Variants in SLC1A4 observed in about 807,000 individuals in gnomAD.
SLC1A4 encodes neutral amino acid transporter A.
SLC1A4 carries 19 observed loss-of-function variants against 37.7 expected under a neutral mutation model. The observed-to-expected ratio is 0.50, with a 90% CI of 0.35 to 0.74. The LOEUF (loss-of-function observed/expected upper bound fraction) is 0.74. Ranked by LOEUF, SLC1A4 falls within the 30% of genes least tolerant of loss-of-function variation. SLC1A4 has a pLI of 0.01. For synonymous variants in SLC1A4, 299 were observed against 309.8 expected, an observed-to-expected ratio of 0.97 and a Z score of 0.37; for missense variants, 570 against 712.9, an observed-to-expected ratio of 0.80 and a Z score of 2.28.
Position 64,989,781 on chromosome 2 carries a change from G to A in SLC1A4, c.138G>A (p.Leu46=). Residue 46 remains leucine, a synonymous_variant, in exon 1 of 8, where the codon CTG becomes CTA. Transcript: ENST00000234256. ...AGFLRRQALV[L]LTVSGVLAGA... ...TCCTGCGGCGCCAAGCGCTGGTGCT[G>A]CTCACCGTGTCCGGGGTGCTGGCGG... The A allele has an allele frequency of 1.3e-6, 2 of 1,501,718 alleles. No homozygotes were observed. Among genetic ancestry groups the A allele is most frequent in the South Asian group, 2.6e-5 (2 of 77,190 alleles). The allele number at this position is 1,501,718 out of a possible 1,614,324, so 93.0% of individuals were successfully genotyped here. A position where few individuals can be genotyped will look rare whatever the true frequency, so the allele number is the denominator to read the frequency against.
At chr2:65,010,499 T>C (rs1457139853) in intron 3 of SLC1A4, 98 bp from the exon 4 acceptor site, 1 of 978,056 alleles carries the variant, frequency 1.0e-6, no homozygotes, top group Non-Finnish European at 1.5e-6. Context: ...TTTCTCGTTC[T>C]GGGTACAGTG....
chr2:65,010,423 A>G (rs1673870369), intron 3 of SLC1A4, among the ~76,000 whole-genome samples, 174 bp from the exon 4 acceptor site: 1 of 152,174 alleles, frequency 6.6e-6, no homozygotes, highest in Admixed American at 6.5e-5. Context: ...CTCAGACTAC[A>G]TCTCCCCTTA....
At chr2:65,002,775 A>G (rs867378900) in intron 2 of SLC1A4, among the ~76,000 whole-genome samples, 47 of 151,540 alleles carry the variant, frequency 3.1e-4, no homozygotes, top group Middle Eastern at 3.4e-3. Flanking sequence ...ATGGGGTTTC[A>G]CCGTGTTAGC....
At chr2:64,997,869 A>C (rs1673318424) in intron 1 of SLC1A4, among the ~76,000 whole-genome samples, 2 of 152,180 alleles carry the variant, frequency 1.3e-5, no homozygotes, top group South Asian at 2.1e-4. Flanking sequence ...TGGGAGGCCA[A>C]GGTGGGCAGA....
At chr2:64,999,157 C>G (rs1183119512) in intron 1 of SLC1A4, among the ~76,000 whole-genome samples, 1 of 152,134 alleles carries the variant, frequency 6.6e-6, no homozygotes, top group Non-Finnish European at 1.5e-5. Flanking sequence ...CGAAAACTAG[C>G]CAATATAAGT....
chr2:65,005,755 A>G (rs1369229199), intron 3 of SLC1A4, among the ~76,000 whole-genome samples: 1 of 152,236 alleles, frequency 6.6e-6, no homozygotes, highest in African/African-American at 2.4e-5. Context: ...GCACTTTGGG[A>G]GGCCAAGAAG....
intron 7 of SLC1A4, among the ~76,000 whole-genome samples, chr2:65,020,686 T>C (rs1387381956): frequency 6.6e-6 from 1 of 152,110 alleles, no homozygotes; most frequent in Non-Finnish European, 1.5e-5. Context: ...TAGGGGTGAG[T>C]GGCTTGTTTG....
chr2:64,999,191 AAAAGT>A (rs1339970620), intron 1 of SLC1A4, among the ~76,000 whole-genome samples: 1 of 152,254 alleles, frequency 6.6e-6, no homozygotes, highest in African/African-American at 2.4e-5. Flanking sequence ...CTACTTTTTA[AAAAGT>A]AAATATAGCT....
At position 65,018,718 on chromosome 2, in the gene SLC1A4, A is replaced by C; in HGVS notation, c.1364+39A>C. 1 of 1,611,320 alleles carries C rather than the reference A, an allele frequency of 6.2e-7. No homozygotes were observed. Reference sequence around the variant, plus strand: ...CCTGAGAACACCAAAAAGAGTCTGCACTGAGTTCCCTAGGAGCTTAGCACT... The same window carrying C: ...CCTGAGAACACCAAAAAGAGTCTGCCCTGAGTTCCCTAGGAGCTTAGCACT... On this transcript the variant is annotated intron_variant, in intron 7 of 7. Coordinates refer to ENST00000234256, the MANE Select transcript of SLC1A4 (RefSeq NM_003038.5). The surrounding 1 kb of genome is among the most constrained non-coding windows in gnomAD (Gnocchi z 4.3).
chr2:65,003,846 G>A, intron 2 of SLC1A4, 107 bp from the exon 3 acceptor site: 2 of 799,256 alleles, frequency 2.5e-6, no homozygotes, highest in South Asian at 3.0e-5. Context: ...AGGACACTCA[G>A]TGTGAACAGT....
At chr2:65,016,873 T>C (rs1445869759) in intron 5 of SLC1A4, among the ~76,000 whole-genome samples, 200 bp downstream of exon 5, 1 of 152,240 alleles carries the variant, frequency 6.6e-6, no homozygotes, top group Non-Finnish European at 1.5e-5. Context: ...CTCGAACTCC[T>C]GGGCTCAAGT....
chr2:65,008,583 G>A (rs1673778269), intron 3 of SLC1A4, among the ~76,000 whole-genome samples: 1 of 152,160 alleles, frequency 6.6e-6, no homozygotes, highest in Non-Finnish European at 1.5e-5. Context: ...CAAGGCTGCA[G>A]TGAGCCGTGT....
intron 1 of SLC1A4, among the ~76,000 whole-genome samples, chr2:64,994,362 G>C (rs1558513145): frequency 2.6e-5 from 4 of 152,248 alleles, no homozygotes; most frequent in African/African-American, 9.6e-5. Flanking sequence ...TTCAAATGGA[G>C]AACCAAGGTG....
chr2:65,021,289 C>T lies in SLC1A4; in HGVS notation c.*143C>T. On this transcript the variant is annotated 3_prime_UTR_variant, in exon 8 of 8. Transcript: ENST00000234256. ...GGCCCAGTCGCTGGCCTGAGGCTTA[C>T]CTCTCGGCACTGGCATTGGGCTCCC... 1.5e-6 allele frequency: 1 copy of T among 652,496 alleles called. No individual in the cohort carries two copies. The highest frequency in any genetic ancestry group is 1.9e-5 in the South Asian group (1 of 51,798). The allele number at this position is 652,496 out of a possible 1,614,324, so 40.4% of individuals were successfully genotyped here. A position where few individuals can be genotyped will look rare whatever the true frequency, so the allele number is the denominator to read the frequency against.
chr2:65,000,000 C>G (rs1486500997), intron 1 of SLC1A4: 1 of 152,198 alleles, frequency 6.6e-6, no homozygotes, highest in Non-Finnish European at 1.5e-5. Flanking sequence ...AGCTGGGTTG[C>G]AGCCAGACCT....
intron 7 of SLC1A4, among the ~76,000 whole-genome samples, chr2:65,020,426 C>T (rs895975176): frequency 6.6e-6 from 1 of 152,106 alleles, no homozygotes; most frequent in Non-Finnish European, 1.5e-5. Flanking sequence ...TCTACCATGC[C>T]CAGCTAATTT....
chr2:65,007,457 CT>C (rs1673728294), intron 3 of SLC1A4, among the ~76,000 whole-genome samples: 1 of 152,164 alleles, frequency 6.6e-6, no homozygotes, highest in Non-Finnish European at 1.5e-5. Context: ...TTGTAGTCCC[CT>C]AGCCCCATTC....
chr2:65,008,061 T>A (rs1338151148), intron 3 of SLC1A4, among the ~76,000 whole-genome samples: 3 of 152,198 alleles, frequency 2.0e-5, no homozygotes, highest in Admixed American at 6.5e-5. Context: ...CTCCCACATA[T>A]GAGAACATGT....
rs1403165396 is a variant in SLC1A4, at chr2:65,018,909, C to T, written c.1364+230C>T. On this transcript the variant is annotated intron_variant, in intron 7 of 7. Coordinates refer to ENST00000234256, the MANE Select transcript of SLC1A4 (RefSeq NM_003038.5). This position sits in a 1 kb window ranked among gnomAD's most constrained non-coding sequence, Gnocchi z 4.3. ...GACCATGAGATGTCATTACCAAGAA[C>T]TTGCTTATAGCATCCAGTAAAGCAG... Among the ~76,000 whole-genome samples the T allele has an allele frequency of 6.6e-6, 1 of 152,258 alleles. No homozygotes were observed. The highest frequency in any genetic ancestry group is 1.5e-5 in the Non-Finnish European group (1 of 68,040).
Sources: gnomAD v4.1 joint callset for allele counts (sites outside exome capture counted in the v4.1 genomes callset) on GRCh38, gnomAD v4.1.1 for gene constraint, Gnocchi (gnomAD v3.1) non-coding constraint, MANE v1.5 for transcripts, NCBI Gene and HGNC (gene_info 2026-07-23, HGNC 2026-07-21) for gene names.